RPS10: variants seen among roughly 807,000 people sequenced by gnomAD.
The protein encoded by RPS10 is small ribosomal subunit protein eS10.
In RPS10, 2 loss-of-function variants were observed where a neutral mutation model predicts 22.6. The ratio of observed to expected loss-of-function variants is 0.09; its 90% CI spans 0.04 to 0.28. RPS10 has a LOEUF of 0.28. Among genes scored for constraint, RPS10 ranks in the 10% least tolerant of loss-of-function variants. The probability of loss-of-function intolerance (pLI) is 1.00; values close to 1 mark genes in which losing one functional copy is unlikely to be tolerated. For synonymous variants in RPS10, 70 were observed against 75.9 expected (o/e 0.92, Z 0.40); for missense variants, 137 against 222.2 (o/e 0.62, Z 2.44).
chr6:34,424,896 G>T (rs1205299828), intron 2 of RPS10, 56 bp from the exon 3 acceptor site: 3 of 1,612,044 alleles, frequency 1.9e-6, no homozygotes, highest in African/African-American at 2.7e-5. Flanking sequence ...ATCATCCTAG[G>T]CAAGTCTCCA....
chr6:34,422,481 C>T (rs938165116), intron 3 of RPS10, among the ~76,000 whole-genome samples: 3 of 151,944 alleles, frequency 2.0e-5, no homozygotes, highest in African/African-American at 7.2e-5. Flanking sequence ...CGCACGGCTA[C>T]GTTTTGTATT....
rs376286138 is a variant in RPS10 at position 34,417,618 on chromosome 6, T to A, written c.457-71A>T. 3 of 1,495,238 alleles carry A rather than the reference T, an allele frequency of 2.0e-6. No individual in the cohort carries two copies. In the African/African-American group the frequency reaches 4.1e-5, roughly 21 times the overall value. 92.6% of individuals were successfully genotyped at this position (1,495,238 alleles called of 1,614,324 possible). A position where few individuals can be genotyped will look rare whatever the true frequency, so the allele number is the denominator to read the frequency against. On this transcript the variant is annotated intron_variant, in intron 5 of 5. Coordinates refer to ENST00000648437, the MANE Select transcript of RPS10 (RefSeq NM_001014.5). ...TGATCTTTGGAGGTTTTGCTAACTT[T>A]CAGGCCTCATTATAACTCCAGAGGC...
At chr6:34,422,088 G>A (rs1201358839) in intron 3 of RPS10, among the ~76,000 whole-genome samples, 1 of 151,684 alleles carries the variant, frequency 6.6e-6, no homozygotes, top group African/African-American at 2.4e-5. Context: ...ACCAATCTAG[G>A]TATCTAGCTA....
chr6:34,424,259 T>A (rs1192266704), intron 3 of RPS10: 2 of 268,602 alleles, frequency 7.4e-6, no homozygotes, highest in Non-Finnish European at 1.5e-5. Flanking sequence ...GTATACACCA[T>A]CCGTTCTCCA....
chr6:34,424,895 G>C (rs1038961572), intron 2 of RPS10, 55 bp from the exon 3 acceptor site: 4 of 1,612,262 alleles, frequency 2.5e-6, no homozygotes. Context: ...GATCATCCTA[G>C]GCAAGTCTCC....
intron 5 of RPS10, 154 bp from the exon 6 acceptor site, chr6:34,417,701 C>A: frequency 1.3e-6 from 1 of 762,958 alleles, no homozygotes; most frequent in Non-Finnish European, 2.3e-6. Context: ...CCAGCACTGC[C>A]CCTTACTGGA....
intron 5 of RPS10, 198 bp downstream of exon 5, chr6:34,418,171 C>A: frequency 6.7e-7 from 1 of 1,486,626 alleles, no homozygotes; most frequent in South Asian, 1.4e-5. Context: ...TTCTGAGACT[C>A]ATTTCAGTAA....
chr6:34,417,907 G>T, intron 5 of RPS10: 1 of 718,390 alleles, frequency 1.4e-6, no homozygotes, highest in Non-Finnish European at 2.6e-6. Context: ...CCTGCCATAG[G>T]ACAAAAATGA....
chr6:34,421,440 C>G (rs146277999), intron 4 of RPS10, among the ~76,000 whole-genome samples: 1 of 151,820 alleles, frequency 6.6e-6, no homozygotes, highest in Non-Finnish European at 1.5e-5. Context: ...CACTTCGACC[C>G]CCCCCCTCCA....
chr6:34,418,286 T>G, intron 5 of RPS10, 83 bp downstream of exon 5: 1 of 1,608,952 alleles, frequency 6.2e-7, no homozygotes, highest in African/African-American at 1.3e-5. Context: ...CCATACTATA[T>G]GACATCCCCA....
At chr6:34,421,953 C>CCTG in intron 3 of RPS10, 146 bp from the exon 4 acceptor site, 1 of 730,820 alleles carries the variant, frequency 1.4e-6, no homozygotes, top group Non-Finnish European at 2.4e-6. Flanking sequence ...CTCCTTAAAC[C>CCTG]TACAATGTCA....
In RPS10 at chr6:34,424,647, G is replaced by A. The variant is rs758651844; in HGVS notation, c.322+22C>T. On this transcript the variant is annotated intron_variant, in intron 3 of 5. Coordinates refer to ENST00000648437, the MANE Select transcript of RPS10 (RefSeq NM_001014.5). ...AAGAAACTATCTTCAAATAGCTGAA[G>A]GGATTTGTGTGGGAACCATACCTTT... The A allele has an allele frequency of 1.9e-6, 3 of 1,613,800 alleles. No homozygotes were observed. In the African/African-American group the frequency reaches 4.0e-5, roughly 22 times the overall value.
intron 3 of RPS10, among the ~76,000 whole-genome samples, 170 bp from the exon 4 acceptor site, chr6:34,421,977 A>T (rs1465161806): frequency 6.6e-6 from 1 of 150,672 alleles, no homozygotes; most frequent in Non-Finnish European, 1.5e-5. Context: ...AGAAATAATT[A>T]TTTCTCCATA....
At chr6:34,419,559 G>C (rs1022098666) in intron 4 of RPS10, among the ~76,000 whole-genome samples, 3 of 143,382 alleles carry the variant, frequency 2.1e-5, no homozygotes, top group Non-Finnish European at 4.5e-5. Flanking sequence ...TTTTTAAACC[G>C]ATTTATTTGT....
At chr6:34,421,377 T>A (rs998341348) in intron 4 of RPS10, among the ~76,000 whole-genome samples, 2 of 151,664 alleles carry the variant, frequency 1.3e-5, no homozygotes, top group East Asian at 3.9e-4. Context: ...AGAGACAGGG[T>A]TTCGTCATGT....
At chr6:34,420,994 C>A (rs1581926233) in intron 4 of RPS10, among the ~76,000 whole-genome samples, 1 of 143,550 alleles carries the variant, frequency 7.0e-6, no homozygotes, top group African/African-American at 2.6e-5. Context: ...GGTGACAGAG[C>A]GAGACTGTCT....
intron 1 of RPS10, 119 bp from the exon 2 acceptor site, chr6:34,425,340 ACT>A (rs2113806362): frequency 3.8e-6 from 5 of 1,307,800 alleles, no homozygotes; most frequent in East Asian, 2.5e-5. Flanking sequence ...TGGTGGGAAG[ACT>A]CAACTCCACA....
At chr6:34,424,140 T>TAAAAAA (rs71538239) in intron 3 of RPS10, 6,941 of 49,060 alleles carry the variant, frequency 0.14, 2,300 homozygotes, top group Non-Finnish European at 0.16. Flanking sequence ...AAGACTCCGT[T>TAAAAAA]AAAAAAAAAA....
In RPS10 at chr6:34,418,354, T is replaced by C. The variant is rs770796118; in HGVS notation, c.456+15A>G. On this transcript the variant is annotated intron_variant, in intron 5 of 5. Transcript: ENST00000648437. ...CAAGTGATGGCTCATGGAAAACAAA[T>C]AGGAAGATACTCACAAACTGGAATT... 3.1e-6 allele frequency: 5 copies of C among 1,613,848 alleles called. No individual in the cohort carries two copies. Among genetic ancestry groups the C allele is most frequent in the South Asian group, 2.2e-5 (2 of 91,076 alleles).
Sources: gnomAD v4.1 joint callset for allele counts (sites outside exome capture counted in the v4.1 genomes callset) on GRCh38, gnomAD v4.1.1 for gene constraint, MANE v1.5 for transcripts, NCBI Gene and HGNC (gene_info 2026-07-23, HGNC 2026-07-21) for gene names.